The following XKR4 variants were observed in gnomAD, a reference collection of about 807,000 sequenced individuals.
The protein encoded by XKR4 is XK-related protein 4.
A neutral mutation model predicts 53.9 loss-of-function variants in XKR4; 12 were observed. The observed-to-expected ratio is 0.22, with a 90% CI of 0.14 to 0.36. The LOEUF (loss-of-function observed/expected upper bound fraction) is 0.36, where lower values mean the gene tolerates loss of function less well. Ranked by LOEUF, XKR4 falls within the 10% of genes least tolerant of loss-of-function variation. The pLI, the probability that XKR4 is intolerant of heterozygous loss-of-function variation, is 1.00. For synonymous variants in XKR4, 354 were observed against 362.4 expected, an observed-to-expected ratio of 0.98 and a Z score of 0.26; for missense variants, 799 against 859.5, an observed-to-expected ratio of 0.93 and a Z score of 0.88.
At chr8:55,191,121 T>C (rs889582385) in intron 1 of XKR4, among the ~76,000 whole-genome samples, 1 of 152,104 alleles carries the variant, frequency 6.6e-6, no homozygotes, top group African/African-American at 2.4e-5. Context: ...CCTGGGTGAA[T>C]AGGAGGACTT....
intron 1 of XKR4, among the ~76,000 whole-genome samples, chr8:55,280,704 A>T (rs1818833262): frequency 6.6e-6 from 1 of 152,198 alleles, no homozygotes; most frequent in Non-Finnish European, 1.5e-5. Flanking sequence ...GATTTTTAAA[A>T]AATACTTGAT....
intron 1 of XKR4, among the ~76,000 whole-genome samples, chr8:55,204,432 A>G (rs972303994): frequency 5.3e-5 from 8 of 152,186 alleles, no homozygotes; most frequent in African/African-American, 1.9e-4. Flanking sequence ...TCACACATCT[A>G]TATGTAATTC....
intron 2 of XKR4, among the ~76,000 whole-genome samples, chr8:55,423,635 A>C (rs1585566300): frequency 6.6e-6 from 1 of 152,256 alleles, no homozygotes; most frequent in Middle Eastern, 3.4e-3. Context: ...TATGAGCCTC[A>C]ACTTATGTTA....
intron 1 of XKR4, among the ~76,000 whole-genome samples, chr8:55,231,435 C>T (rs758690333): frequency 6.6e-6 from 1 of 152,138 alleles, no homozygotes; most frequent in Non-Finnish European, 1.5e-5. Context: ...AGTGATTTAA[C>T]GTATACTGTT....
intron 1 of XKR4, among the ~76,000 whole-genome samples, chr8:55,242,673 A>C (rs1201006017): frequency 6.6e-6 from 1 of 152,170 alleles, no homozygotes; most frequent in African/African-American, 2.4e-5. Flanking sequence ...GGGCAACAGA[A>C]GGGACGTGTG....
intron 1 of XKR4, among the ~76,000 whole-genome samples, chr8:55,250,326 A>C (rs1818346591): frequency 6.6e-6 from 1 of 152,216 alleles, no homozygotes; most frequent in African/African-American, 2.4e-5. Flanking sequence ...AACATAATAG[A>C]ATGAAGCACA....
intron 1 of XKR4, among the ~76,000 whole-genome samples, chr8:55,320,968 C>G (rs1200197064): frequency 6.6e-6 from 1 of 152,094 alleles, no homozygotes; most frequent in African/African-American, 2.4e-5. Flanking sequence ...TTACCTCCCC[C>G]AAACATCCTT....
chr8:55,325,156 G>C (rs1803274472), intron 1 of XKR4, among the ~76,000 whole-genome samples: 1 of 152,114 alleles, frequency 6.6e-6, no homozygotes, highest in South Asian at 2.1e-4. Flanking sequence ...TAAAAACCTA[G>C]TTAAAGGGTA....
At chr8:55,329,912 C>G (rs1803359408) in intron 1 of XKR4, among the ~76,000 whole-genome samples, 1 of 152,114 alleles carries the variant, frequency 6.6e-6, no homozygotes, top group Admixed American at 6.5e-5. Flanking sequence ...ATGAGTCTAC[C>G]ACTCTCTTGT....
intron 1 of XKR4, among the ~76,000 whole-genome samples, chr8:55,246,880 G>T (rs184233952): frequency 6.6e-6 from 1 of 152,126 alleles, no homozygotes; most frequent in Non-Finnish European, 1.5e-5. Context: ...CCAGAGAGTC[G>T]TGGAGATCCC....
intron 1 of XKR4, among the ~76,000 whole-genome samples, chr8:55,216,802 T>TA (rs199673218): frequency 0.02 from 2,792 of 139,410 alleles, 36 homozygotes; most frequent in Middle Eastern, 0.033. Flanking sequence ...GTTCTATTTA[T>TA]AAAAAAAAAA....
intron 2 of XKR4, among the ~76,000 whole-genome samples, chr8:55,514,642 C>T (rs1410172980): frequency 2.0e-5 from 3 of 152,028 alleles, no homozygotes; most frequent in African/African-American, 2.4e-5. Flanking sequence ...CTTCATTTCT[C>T]GCCTGCCCCT....
intron 2 of XKR4, among the ~76,000 whole-genome samples, chr8:55,416,041 G>A (rs1268053847): frequency 6.6e-6 from 1 of 152,074 alleles, no homozygotes; most frequent in East Asian, 1.9e-4. Flanking sequence ...ATAGCACTAA[G>A]CAATATGAGG....
chr8:55,475,567 C>T (rs1805969713), intron 2 of XKR4, among the ~76,000 whole-genome samples: 1 of 148,456 alleles, frequency 6.7e-6, no homozygotes, highest in South Asian at 2.1e-4. Context: ...TAGGTGTGCA[C>T]CACCATGCTC....
intron 2 of XKR4, among the ~76,000 whole-genome samples, chr8:55,407,886 C>T (rs1055652214): frequency 6.6e-6 from 1 of 152,018 alleles, no homozygotes; most frequent in East Asian, 1.9e-4. Flanking sequence ...TCATGGGAGA[C>T]AAAACATAAG....
intron 2 of XKR4, among the ~76,000 whole-genome samples, chr8:55,491,426 G>A (rs58763917): frequency 0.048 from 7,262 of 152,248 alleles, 565 homozygotes; most frequent in East Asian, 0.27. Flanking sequence ...CTTTGAAAGA[G>A]TGTTGAATTT....
intron 2 of XKR4, among the ~76,000 whole-genome samples, chr8:55,377,619 G>T (rs780604624): frequency 6.6e-6 from 1 of 152,142 alleles, no homozygotes; most frequent in Non-Finnish European, 1.5e-5. Flanking sequence ...AGAAGGAAAG[G>T]AAAGGAGAGA....
intron 1 of XKR4, among the ~76,000 whole-genome samples, chr8:55,303,304 G>A (rs549512442): frequency 1.3e-5 from 2 of 152,218 alleles, no homozygotes; most frequent in South Asian, 4.2e-4. Context: ...TACATTTATT[G>A]ATTTGTGTAT....
chr8:55,273,705 C>T (rs1818725306), intron 1 of XKR4, among the ~76,000 whole-genome samples: 1 of 152,200 alleles, frequency 6.6e-6, no homozygotes, highest in South Asian at 2.1e-4. Context: ...CATCCCTGAC[C>T]AATCAGCACT....
Sources: gnomAD v4.1 joint callset for allele counts (sites outside exome capture counted in the v4.1 genomes callset) on GRCh38, gnomAD v4.1.1 for gene constraint, MANE v1.5 for transcripts, NCBI Gene and HGNC (gene_info 2026-07-23, HGNC 2026-07-21) for gene names.